Variants in LRRC4C observed in about 807,000 individuals in gnomAD.
The protein encoded by LRRC4C is leucine rich repeat containing 4C, also known as leucine-rich repeat-containing protein 4C.
Under a neutral mutation model 33.6 loss-of-function variants are expected in LRRC4C, and 5 were observed. That is an observed-to-expected ratio of 0.15 (90% confidence interval 0.08 to 0.31). LRRC4C has a LOEUF of 0.31. LRRC4C is among the 10% of genes least tolerant of loss of function. The pLI is 1.00. For missense variants in LRRC4C, 560 were observed against 796.7 expected (o/e 0.70, Z 3.58); for synonymous variants, 329 against 302.0 (o/e 1.09, Z -0.93).
intron 4 of LRRC4C, among the ~76,000 whole-genome samples, chr11:40,303,811 C>T (rs1401080356): frequency 6.6e-6 from 1 of 152,098 alleles, no homozygotes. Flanking sequence ...CTTTGAGAGA[C>T]CTTTGGGCTT....
intron 1 of LRRC4C, among the ~76,000 whole-genome samples, chr11:40,970,370 T>C (rs1405899479): frequency 6.6e-6 from 1 of 152,172 alleles, no homozygotes; most frequent in Non-Finnish European, 1.5e-5. Flanking sequence ...GTGTGGTTCC[T>C]GCTCTGGCCA....
At chr11:41,062,215 T>A (rs770034706) in intron 1 of LRRC4C, among the ~76,000 whole-genome samples, 9 of 152,200 alleles carry the variant, frequency 5.9e-5, no homozygotes, top group Non-Finnish European at 1.0e-4. Flanking sequence ...CTAGTACCCA[T>A]TAGTTATTTT....
At chr11:40,687,757 G>A (rs1397107412) in intron 2 of LRRC4C, among the ~76,000 whole-genome samples, 1 of 152,016 alleles carries the variant, frequency 6.6e-6, no homozygotes, top group African/African-American at 2.4e-5. Flanking sequence ...ATAAAATAAT[G>A]AGGGCTAAAA....
intron 1 of LRRC4C, among the ~76,000 whole-genome samples, chr11:41,366,138 A>G (rs1201849362): frequency 1.3e-5 from 2 of 152,114 alleles, no homozygotes; most frequent in East Asian, 3.9e-4. Context: ...GGTAAATTAT[A>G]TAAGCATATA....
chr11:40,662,804 A>G (rs1943514586), intron 2 of LRRC4C, among the ~76,000 whole-genome samples: 1 of 152,192 alleles, frequency 6.6e-6, no homozygotes, highest in African/African-American at 2.4e-5. Context: ...TTCAAAAGGG[A>G]ATCATAATGG....
At chr11:41,340,527 A>T (rs1291402363) in intron 1 of LRRC4C, among the ~76,000 whole-genome samples, 1 of 152,150 alleles carries the variant, frequency 6.6e-6, no homozygotes, top group Non-Finnish European at 1.5e-5. Flanking sequence ...TCTTGGTTAA[A>T]CTAATAGATT....
intron 1 of LRRC4C, among the ~76,000 whole-genome samples, chr11:41,071,247 TA>T (rs1938655830): frequency 6.6e-6 from 1 of 151,962 alleles, no homozygotes; most frequent in African/African-American, 2.4e-5. Flanking sequence ...CAGGGCCTAT[TA>T]GGGGGTGGGA....
intron 5 of LRRC4C, among the ~76,000 whole-genome samples, chr11:40,201,003 T>G (rs908617723): frequency 6.6e-6 from 1 of 152,142 alleles, no homozygotes; most frequent in East Asian, 1.9e-4. Context: ...CAAACCTTTA[T>G]GCAATAAGTT....
chr11:40,475,643 G>T (rs1248531798), intron 3 of LRRC4C, among the ~76,000 whole-genome samples: 1 of 152,004 alleles, frequency 6.6e-6, no homozygotes, highest in African/African-American at 2.4e-5. Context: ...TAACATCCTG[G>T]TTCAGTGGCG....
intron 1 of LRRC4C, among the ~76,000 whole-genome samples, chr11:40,991,744 G>C (rs556310308): frequency 2.6e-5 from 4 of 152,128 alleles, no homozygotes; most frequent in African/African-American, 9.7e-5. Flanking sequence ...CACAGTTCAC[G>C]ATAGGGTTTG....
chr11:41,119,532 C>T (rs1446057230), intron 1 of LRRC4C, among the ~76,000 whole-genome samples: 3 of 152,152 alleles, frequency 2.0e-5, no homozygotes, highest in Admixed American at 2.0e-4. Context: ...TGTTTTATAA[C>T]CTGTTGGAGA....
chr11:40,345,679 A>G (rs892472233), intron 3 of LRRC4C, among the ~76,000 whole-genome samples: 1 of 152,216 alleles, frequency 6.6e-6, no homozygotes, highest in Non-Finnish European at 1.5e-5. Flanking sequence ...CAATTGCAAC[A>G]CAACCAAAAA....
intron 1 of LRRC4C, among the ~76,000 whole-genome samples, chr11:40,959,939 T>C (rs1850861404): frequency 6.6e-6 from 1 of 151,774 alleles, no homozygotes; most frequent in African/African-American, 2.4e-5. Flanking sequence ...CAATAAGGAA[T>C]GCAAGTAATT....
chr11:40,837,301 A>G (rs1052387861), intron 2 of LRRC4C, among the ~76,000 whole-genome samples: 2 of 152,116 alleles, frequency 1.3e-5, no homozygotes, highest in Admixed American at 1.3e-4. Flanking sequence ...CGCTATATTA[A>G]ATATATAAAA....
intron 1 of LRRC4C, among the ~76,000 whole-genome samples, chr11:41,145,605 C>A (rs1369843111): frequency 1.3e-5 from 2 of 152,138 alleles, no homozygotes; most frequent in Non-Finnish European, 2.9e-5. Context: ...TACTCTACAA[C>A]ACTTTGTCGG....
rs893443007 is a variant in LRRC4C at position 40,407,734 on chromosome 11, G to T, written c.-269-88013C>A. Among the ~76,000 whole-genome samples the T allele has an allele frequency of 2.6e-5, 4 of 151,964 alleles. No homozygotes were observed. The East Asian group carries it at 5.8e-4, about 22-fold the overall frequency. Reference sequence around the variant, plus strand: ...GTATTTAACCTTGAAATATGGTTAGGCAATTTAAACCAATTCAACATACAA... The same window carrying T: ...GTATTTAACCTTGAAATATGGTTAGTCAATTTAAACCAATTCAACATACAA... On this transcript the variant is annotated intron_variant, in intron 3 of 6. Transcript: ENST00000528697.
intron 3 of LRRC4C, among the ~76,000 whole-genome samples, chr11:40,419,694 C>T (rs900799283): frequency 2.0e-5 from 3 of 152,160 alleles, no homozygotes; most frequent in Non-Finnish European, 2.9e-5. Flanking sequence ...TTGAGGGAAA[C>T]TTTGCTTTTC....
At chr11:40,408,023 A>T (rs1455275881) in intron 3 of LRRC4C, among the ~76,000 whole-genome samples, 2 of 151,988 alleles carry the variant, frequency 1.3e-5, no homozygotes, top group Non-Finnish European at 2.9e-5. Context: ...TAAAGAGAAG[A>T]ATTATATCAA....
At chr11:40,570,860 T>C (rs960320361) in intron 3 of LRRC4C, among the ~76,000 whole-genome samples, 1 of 152,138 alleles carries the variant, frequency 6.6e-6, no homozygotes, top group African/African-American at 2.4e-5. Context: ...ATCAAATATT[T>C]GATTTATTAA....
Sources: allele counts gnomAD v4.1 joint callset (sites outside exome capture counted in the v4.1 genomes callset), GRCh38; gene constraint gnomAD v4.1.1; transcripts MANE v1.5; gene names NCBI Gene and HGNC (gene_info 2026-07-23, HGNC 2026-07-21).